Variants in GAB1 observed in about 807,000 individuals in gnomAD.
GAB1 encodes the protein GRB2-associated-binding protein 1.
In GAB1, 19 loss-of-function variants were observed where a neutral mutation model predicts 66.5. The ratio of observed to expected loss-of-function variants is 0.29; its 90% CI spans 0.20 to 0.42. GAB1 has a LOEUF of 0.42. Among genes scored for constraint, GAB1 ranks in the 10% least tolerant of loss-of-function variants. The pLI, the probability that GAB1 is intolerant of heterozygous loss-of-function variation, is 1.00. For missense variants in GAB1, 732 were observed against 858.5 expected, an observed-to-expected ratio of 0.85 and a Z score of 1.84; for synonymous variants, 294 against 301.4, an observed-to-expected ratio of 0.98 and a Z score of 0.25.
rs1736032820 is a variant in GAB1, at chr4:143,470,712, G to C, written c.*1523G>C. The C allele has an allele frequency of 6.6e-6, 1 of 152,236 alleles. No individual in the cohort carries two copies. 9.4% of individuals were successfully genotyped at this position (152,236 alleles called of 1,614,324 possible). Reference sequence around the variant, plus strand: ...GGGCATAGAGAAAGGAGTGCCCACAGTTGAGGCATGACCCCCTCCATTCAG... The same window carrying C: ...GGGCATAGAGAAAGGAGTGCCCACACTTGAGGCATGACCCCCTCCATTCAG... On this transcript the variant is annotated 3_prime_UTR_variant, in exon 10 of 10. Coordinates refer to ENST00000262994, the MANE Select transcript of GAB1 (RefSeq NM_002039.4).
intron 6 of GAB1, among the ~76,000 whole-genome samples, chr4:143,447,427 G>A (rs1734622200): frequency 6.6e-6 from 1 of 152,170 alleles, no homozygotes; most frequent in African/African-American, 2.4e-5. Context: ...CTACCGATGA[G>A]CATGGAATGT....
chr4:143,378,629 GTCTCTCTC>G (rs3049720), intron 1 of GAB1, among the ~76,000 whole-genome samples: 3,101 of 129,224 alleles, frequency 0.024, 47 homozygotes, highest in Middle Eastern at 0.064. Context: ...CTTCCAAAGT[GTCTCTCTC>G]TCTCTCTCTC....
intron 2 of GAB1, among the ~76,000 whole-genome samples, chr4:143,428,212 C>T (rs116791081): frequency 0.013 from 2,044 of 152,314 alleles, 50 homozygotes; most frequent in South Asian, 0.11. Flanking sequence ...TTATTGTCTG[C>T]CTCTGGACCT....
intron 1 of GAB1, among the ~76,000 whole-genome samples, chr4:143,369,736 C>T (rs1730038221): frequency 6.6e-6 from 1 of 152,238 alleles, no homozygotes; most frequent in Non-Finnish European, 1.5e-5. Flanking sequence ...GCTTGCTAAA[C>T]CGGGAAGCTG....
At chr4:143,438,814 C>G (rs1157058374) in intron 4 of GAB1, among the ~76,000 whole-genome samples, 1 of 152,128 alleles carries the variant, frequency 6.6e-6, no homozygotes, top group Non-Finnish European at 1.5e-5. Flanking sequence ...GAAGTATGGC[C>G]TTAGTAATGC....
intron 2 of GAB1, among the ~76,000 whole-genome samples, chr4:143,422,031 C>G (rs1161694771): frequency 1.3e-5 from 2 of 152,156 alleles, no homozygotes; most frequent in African/African-American, 2.4e-5. Flanking sequence ...GGCTGCTTCA[C>G]AGAAAATTGC....
chr4:143,362,309 G>A (rs998227471), intron 1 of GAB1, among the ~76,000 whole-genome samples: 7 of 152,122 alleles, frequency 4.6e-5, no homozygotes, highest in African/African-American at 1.7e-4. Flanking sequence ...TTACCAGAAA[G>A]GGGTCCTGAG....
rs1345996735 is a variant in GAB1, at chr4:143,373,873, A to G, written c.72+36613A>G. Among the ~76,000 whole-genome samples the G allele has an allele frequency of 6.1e-5, 8 of 132,218 alleles. 1 individual carries two copies. The highest frequency in any genetic ancestry group is 1.3e-4 in the Non-Finnish European group (8 of 62,496). 86.7% of individuals were successfully genotyped at this position (132,218 alleles called of 152,430 possible). On this transcript the variant is annotated intron_variant, in intron 1 of 9. Coordinates refer to ENST00000262994, the MANE Select transcript of GAB1 (RefSeq NM_002039.4). ...TCTCTCTCTGTAAATAAATAAATAT[A>G]TATATATATATATTTTTACCTTTCT... is the stretch of plus-strand genomic sequence containing the variant.
intron 1 of GAB1, among the ~76,000 whole-genome samples, chr4:143,354,963 T>C (rs956224209): frequency 6.6e-6 from 1 of 152,188 alleles, no homozygotes; most frequent in African/African-American, 2.4e-5. Context: ...TGAAATATTT[T>C]TCATCCTTCA....
intron 6 of GAB1, among the ~76,000 whole-genome samples, chr4:143,447,750 T>C (rs1184456217): frequency 6.6e-6 from 1 of 152,158 alleles, no homozygotes; most frequent in Non-Finnish European, 1.5e-5. Context: ...CAATTTGACT[T>C]CCTCTTTTCC....
At chr4:143,398,947 C>T (rs1247807656) in intron 1 of GAB1, among the ~76,000 whole-genome samples, 1 of 152,078 alleles carries the variant, frequency 6.6e-6, no homozygotes, top group African/African-American at 2.4e-5. Flanking sequence ...AGAAGAGAGA[C>T]AGACAAAACC....
intron 1 of GAB1, among the ~76,000 whole-genome samples, chr4:143,341,936 C>G (rs948376899): frequency 6.6e-6 from 1 of 152,204 alleles, no homozygotes; most frequent in Non-Finnish European, 1.5e-5. Context: ...CACTAGCAAT[C>G]AATGGATTCT....
chr4:143,469,380 A>G lies in GAB1; in HGVS notation c.*191A>G, dbSNP rs999864279. On this transcript the variant is annotated 3_prime_UTR_variant, in exon 10 of 10. Transcript: ENST00000262994. ...TTGTGGTATCTGAACAATTCATAAC[A>G]TGTAAATAATGTGGGAAAATAGTAT... 1.8e-6 allele frequency: 1 copy of G among 541,722 alleles called. No homozygotes were observed. Among genetic ancestry groups the G allele is most frequent in the Non-Finnish European group, 3.3e-6 (1 of 304,674 alleles). The allele number at this position is 541,722 out of a possible 1,614,324, so 33.6% of individuals were successfully genotyped here.
intron 1 of GAB1, among the ~76,000 whole-genome samples, chr4:143,404,020 G>A (rs1015404865): frequency 6.6e-6 from 1 of 152,180 alleles, no homozygotes; most frequent in African/African-American, 2.4e-5. Context: ...TTCTTAATGT[G>A]AAAGTGTTGT....
chr4:143,464,734 G>T (rs1735690628), intron 8 of GAB1, among the ~76,000 whole-genome samples: 1 of 152,188 alleles, frequency 6.6e-6, no homozygotes, highest in African/African-American at 2.4e-5. Flanking sequence ...TCACCCCAGT[G>T]CAAGAAGCAC....
chr4:143,379,888 A>T lies in GAB1; in HGVS notation c.73-35589A>T, dbSNP rs192473508. ...ATGTGAGCCACTGTGCCTGGCCAGT[A>T]ATATGTATTAAGTAAGGTAATTTGT... On this transcript the variant is annotated intron_variant, in intron 1 of 9. Transcript: ENST00000262994. 4.5e-4 allele frequency among the ~76,000 whole-genome samples: 69 copies of T among 151,868 alleles called. No individual in the cohort carries two copies. The East Asian group carries it at 5.6e-3, about 12-fold the overall frequency.
chr4:143,361,182 T>C (rs1159353476), intron 1 of GAB1, among the ~76,000 whole-genome samples: 1 of 152,206 alleles, frequency 6.6e-6, no homozygotes, highest in Non-Finnish European at 1.5e-5. Flanking sequence ...AGAAAGTAAC[T>C]GTGGATGCAT....
Position 143,440,127 on chromosome 4 carries a change from G to C in GAB1, c.1330G>C (p.Asp444His), listed in dbSNP as rs756917787. 9 of 1,614,150 alleles carry C rather than the reference G, an allele frequency of 5.6e-6. No homozygotes were observed. Among genetic ancestry groups the C allele is most frequent in the Admixed American group, 5.0e-5 (3 of 60,020 alleles). ...TVGSVSSEELDENYVPMNPNS... is the reference protein window; with the variant it reads ...TVGSVSSEELHENYVPMNPNS... ...GGGAAGTGTTTCAAGTGAAGAACTG[G>C]ATGAAAATTACGTCCCAATGAATCC... Residue 444 changes from aspartate to histidine, a missense_variant, in exon 6 of 10, where the codon GAT becomes CAT. Asp to His is a moderately conservative substitution (Grantham distance 81). Transcript: ENST00000262994.
At chr4:143,356,941 A>G (rs1213736675) in intron 1 of GAB1, among the ~76,000 whole-genome samples, 8 of 152,158 alleles carry the variant, frequency 5.3e-5, no homozygotes, top group South Asian at 2.1e-4. Context: ...GTGTGTTTTA[A>G]TTCTGCAGAA....
Sources: allele counts gnomAD v4.1 joint callset (sites outside exome capture counted in the v4.1 genomes callset), GRCh38; gene constraint gnomAD v4.1.1; transcripts MANE v1.5; gene names NCBI Gene and HGNC (gene_info 2026-07-23, HGNC 2026-07-21).